SATB1: variants seen among roughly 807,000 people sequenced by gnomAD.
The protein encoded by SATB1 is DNA-binding protein SATB1.
A neutral mutation model predicts 86.9 loss-of-function variants in SATB1; 11 were observed. That is an observed-to-expected ratio of 0.13 (90% confidence interval 0.08 to 0.21). The LOEUF (loss-of-function observed/expected upper bound fraction) is 0.21, where lower values mean the gene tolerates loss of function less well. Ranked by LOEUF, SATB1 falls within the 10% of genes least tolerant of loss-of-function variation. The pLI, the probability that SATB1 is intolerant of heterozygous loss-of-function variation, is 1.00. For missense variants in SATB1, 551 were observed against 937.6 expected (o/e 0.59, Z 5.39); for synonymous variants, 357 against 357.2 (o/e 1.00, Z 0.01).
intron 2 of SATB1, 105 bp downstream of exon 2, chr3:18,420,652 G>A (rs1482502492): frequency 2.3e-6 from 2 of 864,802 alleles, no homozygotes; most frequent in Admixed American, 3.8e-5. Flanking sequence ...GGAGAATAAA[G>A]GCAGAGTATA....
At chr3:18,441,117 A>C (rs1699232662), upstream of SATB1, among the ~76,000 whole-genome samples, 1 of 152,176 alleles carries the variant, frequency 6.6e-6, no homozygotes. Flanking sequence ...CCATTCCTTA[A>C]TTCCAATAGA....
chr3:18,415,890 T>C (rs898692371), intron 4 of SATB1, 117 bp downstream of exon 4: 3 of 978,492 alleles, frequency 3.1e-6, no homozygotes, highest in Non-Finnish European at 4.5e-6. Context: ...TCGATCTGTA[T>C]TAACCTTTCT....
intron 5 of SATB1, among the ~76,000 whole-genome samples, chr3:18,402,999 A>G (rs1283314928): frequency 2.0e-5 from 3 of 152,128 alleles, no homozygotes; most frequent in African/African-American, 7.2e-5. Flanking sequence ...TTCAACCAGA[A>G]CAGTCCTGAC....
At chr3:18,405,865 A>T (rs1697506718) in intron 5 of SATB1, among the ~76,000 whole-genome samples, 1 of 152,008 alleles carries the variant, frequency 6.6e-6, no homozygotes, top group African/African-American at 2.4e-5. Context: ...TCCCATGTCT[A>T]CCAGATAAAC....
rs918839332 is a variant in SATB1 at position 18,349,248 on chromosome 3, G to C, written c.2214C>G (p.Asn738Lys). 2 of 1,614,186 alleles carry C rather than the reference G, an allele frequency of 1.2e-6. No individual in the cohort carries two copies. The highest frequency in any genetic ancestry group is 1.1e-5 in the South Asian group (1 of 91,086). The change falls in exon 11 of 11, where the codon AAC becomes AAG. Residue 738 changes from asparagine (N) to lysine (K), a missense_variant. Coordinates refer to ENST00000338745, the MANE Select transcript of SATB1 (RefSeq NM_002971.6). The surrounding 1 kb of genome is among the most constrained non-coding windows in gnomAD (Gnocchi z 5.5). ...CTTCTAGTTTCACTGAAAAAAGGGT[G>C]TTAGTATTTTTATCTTGGACACTCT... ...LEESVQDKNT[N>K]TLFSVKLEEE...
intron 9 of SATB1, among the ~76,000 whole-genome samples, chr3:18,362,860 CAA>C (rs35470564): frequency 1.9e-4 from 6 of 32,308 alleles, no homozygotes; most frequent in Admixed American, 4.6e-4. Context: ...ATGCCATGTG[CAA>C]AAAAAAAAAA....
chr3:18,425,527 G>C (rs1047749491), upstream of SATB1, among the ~76,000 whole-genome samples: 1 of 150,646 alleles, frequency 6.6e-6, no homozygotes, highest in Non-Finnish European at 1.5e-5. Context: ...TTAAAAAGCC[G>C]AAAGACAAGT....
rs1410529282 is a variant in SATB1, at chr3:18,347,168, C to T, written c.*2002G>A. On this transcript the variant is annotated 3_prime_UTR_variant, in exon 11 of 11. Transcript: ENST00000338745. ...TGCCTACCAATAAGCTCATCAGGGC[C>T]TGAGAAGATGGTAGGCAGAAAGAGA... 1.3e-5 allele frequency: 2 copies of T among 152,024 alleles called. No homozygotes were observed. The highest frequency in any genetic ancestry group is 4.8e-5 in the African/African-American group (2 of 41,386). 9.4% of individuals were successfully genotyped at this position (152,024 alleles called of 1,614,324 possible). A position where few individuals can be genotyped will look rare whatever the true frequency, so the allele number is the denominator to read the frequency against.
chr3:18,389,509 T>C (rs1270347513), intron 7 of SATB1, among the ~76,000 whole-genome samples: 3 of 152,060 alleles, frequency 2.0e-5, no homozygotes, highest in Non-Finnish European at 4.4e-5. Context: ...GAATTCAAGA[T>C]ATATGTGGCC....
chr3:18,411,144 T>C (rs1697812665), intron 5 of SATB1: 1 of 356,370 alleles, frequency 2.8e-6, no homozygotes, highest in Non-Finnish European at 5.0e-6. Context: ...ATTTTGCTAC[T>C]TGAAAATAAA....
chr3:18,391,639 T>C (rs900666907), intron 7 of SATB1, among the ~76,000 whole-genome samples: 2 of 151,568 alleles, frequency 1.3e-5, no homozygotes, highest in Non-Finnish European at 2.9e-5. Flanking sequence ...TTTGGTTTTT[T>C]AATGTTTTAA....
chr3:18,377,920 C>A (rs1489849182), intron 9 of SATB1, among the ~76,000 whole-genome samples: 1 of 152,132 alleles, frequency 6.6e-6, no homozygotes, highest in East Asian at 1.9e-4. Context: ...ATATCCTTCT[C>A]AAAATACCTA....
intron 1 of SATB1, 143 bp from the exon 2 acceptor site, chr3:18,421,134 A>G (rs939339515): frequency 5.0e-6 from 3 of 601,660 alleles, no homozygotes; most frequent in African/African-American, 3.7e-5. Context: ...TATGATACAG[A>G]TGTTACTATA....
In SATB1 at chr3:18,400,401, G is replaced by A. The variant is rs77014394; in HGVS notation, c.640-3111C>T. ...TCAAGTGAGGATGTGTCACACACTG[G>A]TAGTATGACCTTGGGTCAAATAGTT... On this transcript the variant is annotated intron_variant, in intron 5 of 10. Transcript: ENST00000338745. 2.3e-3 allele frequency among the ~76,000 whole-genome samples: 351 copies of A among 152,270 alleles called. 13 individuals are homozygous for A. In the East Asian group the frequency reaches 0.037, roughly 16 times the overall value.
At chr3:18,353,802 C>T (rs73175984) in intron 9 of SATB1, among the ~76,000 whole-genome samples, 1,642 of 152,284 alleles carry the variant, frequency 0.011, 24 homozygotes, top group African/African-American at 0.032. Context: ...AGCAGCTCAT[C>T]GTGACGACTG....
At chr3:18,433,219 G>A (rs1698946220) in intron 2 of SATB1, among the ~76,000 whole-genome samples, 1 of 152,168 alleles carries the variant, frequency 6.6e-6, no homozygotes, top group Non-Finnish European at 1.5e-5. Context: ...TTTCAAAACA[G>A]TAAAAATTAA....
intron 9 of SATB1, among the ~76,000 whole-genome samples, chr3:18,368,580 A>C (rs1039325770): frequency 2.6e-5 from 4 of 152,164 alleles, no homozygotes; most frequent in African/African-American, 9.7e-5. Flanking sequence ...AAAATGAGTA[A>C]GGAATCAAAA....
In SATB1 at chr3:18,394,757, T is replaced by A. The variant is rs1430700062; in HGVS notation, c.911A>T (p.His304Leu). The change falls in exon 7 of 11, where the codon CAC (histidine) becomes CTC (leucine). Residue 304 changes from histidine to leucine, a missense_variant. Physicochemically the swap from His to Leu is moderately conservative, Grantham distance 99. Around this residue, in one of 8 missense-constraint regions of SATB1, gnomAD observed 119 missense variants for 171.1 expected, o/e 0.70. Transcript: ENST00000338745. The surrounding 1 kb of genome is among the most constrained non-coding windows in gnomAD (Gnocchi z 5.9). Reference sequence around the variant, plus strand: ...GATAGGTGTTGATACGAGCCCAGGGTGCAGGTTTGGAAGAGGTGTCCGGAC... The same window carrying A: ...GATAGGTGTTGATACGAGCCCAGGGAGCAGGTTTGGAAGAGGTGTCCGGAC... ...PSVRTPLPNL[H>L]PGLVSTPISP... 1 of 1,613,990 alleles carries A rather than the reference T, an allele frequency of 6.2e-7. No homozygotes were observed. Among genetic ancestry groups the A allele is most frequent in the Admixed American group, 1.7e-5 (1 of 59,994 alleles).
intron 9 of SATB1, among the ~76,000 whole-genome samples, chr3:18,357,342 T>C (rs528765517): frequency 6.6e-6 from 1 of 151,990 alleles, no homozygotes; most frequent in East Asian, 1.9e-4. Context: ...CATTAAATAG[T>C]ACTTCTAACA....
Sources: allele counts gnomAD v4.1 joint callset (sites outside exome capture counted in the v4.1 genomes callset), GRCh38; gene constraint gnomAD v4.1.1; regional missense constraint gnomAD v4.1.1; non-coding constraint Gnocchi (gnomAD v3.1); transcripts MANE v1.5; gene names NCBI Gene and HGNC (gene_info 2026-07-23, HGNC 2026-07-21).